NR6A1: variants seen among roughly 807,000 people sequenced by gnomAD.
NR6A1 encodes the protein nuclear receptor subfamily 6 group A member 1.
In NR6A1, 7 loss-of-function variants were observed where a neutral mutation model predicts 59.1. The ratio of observed to expected loss-of-function variants is 0.12; its 90% CI spans 0.07 to 0.22. The LOEUF (loss-of-function observed/expected upper bound fraction) is 0.22. NR6A1 is among the 10% of genes least tolerant of loss of function. The pLI, the probability that NR6A1 is intolerant of heterozygous loss-of-function variation, is 1.00. For synonymous variants in NR6A1, 243 were observed against 236.1 expected, an observed-to-expected ratio of 1.03 and a Z score of -0.27; for missense variants, 468 against 611.6, an observed-to-expected ratio of 0.77 and a Z score of 2.48.
intron 2 of NR6A1, among the ~76,000 whole-genome samples, chr9:124,633,346 T>C (rs898899995): frequency 1.5e-5 from 2 of 135,022 alleles, no homozygotes; most frequent in African/African-American, 2.9e-5. Context: ...GAGCTTGCAG[T>C]GAGTCGAGAT....
intron 4 of NR6A1, among the ~76,000 whole-genome samples, chr9:124,541,758 T>C (rs1283476114): frequency 6.6e-6 from 1 of 152,206 alleles, no homozygotes; most frequent in Non-Finnish European, 1.5e-5. Context: ...TTATTCAAAA[T>C]AGTCAAGAAG....
Position 124,771,146 on chromosome 9 carries a change from G to C in NR6A1, c.-27C>G. 1 of 1,182,582 alleles carries C rather than the reference G, an allele frequency of 8.5e-7. No homozygotes were observed. Among genetic ancestry groups the C allele is most frequent in the Non-Finnish European group, 1.1e-6 (1 of 942,912 alleles). 73.3% of individuals were successfully genotyped at this position (1,182,582 alleles called of 1,614,324 possible). A position where few individuals can be genotyped will look rare whatever the true frequency, so the allele number is the denominator to read the frequency against. On this transcript the variant is annotated 5_prime_UTR_variant, in exon 1 of 10. Transcript: ENST00000487099. ...CGGTGGTGCCTAGGGTCCGCGCCGG[G>C]TTTGTTGCTCCGCCATGACCGGCGC...
intron 2 of NR6A1, among the ~76,000 whole-genome samples, chr9:124,643,101 T>A (rs377495134): frequency 3.2e-5 from 1 of 31,186 alleles, no homozygotes; most frequent in Admixed American, 4.0e-4. Flanking sequence ...AGCCCTCGGG[T>A]GGGGGGGGGG....
At chr9:124,689,498 T>C (rs1441991001) in intron 2 of NR6A1, among the ~76,000 whole-genome samples, 2 of 152,202 alleles carry the variant, frequency 1.3e-5, no homozygotes, top group Non-Finnish European at 2.9e-5. Flanking sequence ...TTCTCGCACA[T>C]ATGAAACAAA....
chr9:124,691,255 A>C (rs938287914), intron 2 of NR6A1, among the ~76,000 whole-genome samples: 3 of 152,226 alleles, frequency 2.0e-5, no homozygotes, highest in African/African-American at 7.2e-5. Flanking sequence ...CAGAGGGTGA[A>C]TTAAACTGAT....
Position 124,532,508 on chromosome 9 carries a change from C to CT in NR6A1, c.1079+3369dup, listed in dbSNP as rs1260208694. Among the ~76,000 whole-genome samples, 3 of 152,242 alleles carry CT rather than the reference C, an allele frequency of 2.0e-5. No homozygotes were observed. In the East Asian group the frequency reaches 5.8e-4, roughly 29 times the overall value. ...GTCCACTAAATCAAGGATAGGGACTCTGAGTCAGAAACCATGTCTGCATCA... is the reference window on the plus strand; with the variant it reads ...GTCCACTAAATCAAGGATAGGGACTCTTGAGTCAGAAACCATGTCTGCATCA... On this transcript the variant is annotated intron_variant, in intron 7 of 9. Coordinates refer to ENST00000487099, the MANE Select transcript of NR6A1 (RefSeq NM_033334.4).
At chr9:124,572,642 C>T (rs1269457842) in intron 2 of NR6A1, among the ~76,000 whole-genome samples, 2 of 152,178 alleles carry the variant, frequency 1.3e-5, no homozygotes, top group Non-Finnish European at 2.9e-5. Context: ...TCGCACACGT[C>T]AGTGGAAGGA....
intron 2 of NR6A1, among the ~76,000 whole-genome samples, chr9:124,624,721 G>C (rs535421491): frequency 6.6e-6 from 1 of 152,184 alleles, no homozygotes; most frequent in Non-Finnish European, 1.5e-5. Context: ...GTCAGACTTT[G>C]TGATTTGAGC....
intron 1 of NR6A1, among the ~76,000 whole-genome samples, chr9:124,737,674 T>C (rs576835733): frequency 1.4e-4 from 22 of 152,194 alleles, no homozygotes; most frequent in African/African-American, 4.6e-4. Context: ...GAGACCAGCA[T>C]GGCAAAAATG....
At chr9:124,568,539 A>T (rs145637109) in intron 2 of NR6A1, among the ~76,000 whole-genome samples, 3 of 151,944 alleles carry the variant, frequency 2.0e-5, no homozygotes, top group African/African-American at 7.3e-5. Flanking sequence ...AATGAAATGT[A>T]ATCATGTAAT....
chr9:124,692,536 T>C (rs776520807), intron 2 of NR6A1: 25 of 525,510 alleles, frequency 4.8e-5, no homozygotes, highest in Admixed American at 4.3e-4. Flanking sequence ...CCGTTGACTG[T>C]ACCTTGGGGT....
chr9:124,760,039 C>CAAA (rs1174587797), intron 1 of NR6A1, among the ~76,000 whole-genome samples: 3 of 97,200 alleles, frequency 3.1e-5, no homozygotes, highest in African/African-American at 3.9e-5. Context: ...GACTCCATCT[C>CAAA]AAAAAAAAAA....
intron 3 of NR6A1, among the ~76,000 whole-genome samples, chr9:124,547,486 T>C (rs867141159): frequency 6.6e-6 from 1 of 152,206 alleles, no homozygotes; most frequent in Non-Finnish European, 1.5e-5. Flanking sequence ...TTTTACATAG[T>C]TCTGTCTCTG....
chr9:124,612,778 G>T (rs556812425), intron 2 of NR6A1, among the ~76,000 whole-genome samples: 50 of 149,434 alleles, frequency 3.3e-4, no homozygotes, highest in African/African-American at 1.2e-3. Context: ...AGTAGTTTGG[G>T]TTTTTCTTTC....
At chr9:124,637,247 A>G (rs1196231177) in intron 2 of NR6A1, among the ~76,000 whole-genome samples, 4 of 152,222 alleles carry the variant, frequency 2.6e-5, no homozygotes, top group African/African-American at 4.8e-5. Context: ...GGTTTTCTAA[A>G]AACATTAGTA....
At chr9:124,702,525 G>A (rs148973426) in intron 2 of NR6A1, among the ~76,000 whole-genome samples, 99 of 152,234 alleles carry the variant, frequency 6.5e-4, no homozygotes, top group African/African-American at 2.3e-3. Context: ...ATGTTGAAAT[G>A]TGACCCTCAA....
rs1183880078 is a variant in NR6A1, at chr9:124,561,285, AAAT to A, written c.143-6718_143-6716del. 2.0e-5 allele frequency among the ~76,000 whole-genome samples: 3 copies of A among 151,996 alleles called. No homozygotes were observed. The East Asian group carries it at 5.8e-4, about 29-fold the overall frequency. ...ACCCTGTCTCTACAAAAAATACAAA[AAAT>A]TAGCCAGACGTGGTGGTGCGCCTAT... On this transcript the variant is annotated intron_variant, in intron 2 of 9. Coordinates refer to ENST00000487099, the MANE Select transcript of NR6A1 (RefSeq NM_033334.4).
rs1052364968 is a variant in NR6A1, at chr9:124,592,255, C to A, written c.143-37685G>T. ...TGGCTTTTCCTTCACTAGGCCCTCC[C>A]CCTAATACACATTAAAGACCACATT... is the stretch of plus-strand genomic sequence containing the variant. On this transcript the variant is annotated intron_variant, in intron 2 of 9. Coordinates refer to ENST00000487099, the MANE Select transcript of NR6A1 (RefSeq NM_033334.4). Among the ~76,000 whole-genome samples, 31 of 151,792 alleles carry A rather than the reference C, an allele frequency of 2.0e-4. 1 individual carries two copies. Among genetic ancestry groups the A allele is most frequent in the African/African-American group, 5.8e-4 (24 of 41,086 alleles).
intron 2 of NR6A1, among the ~76,000 whole-genome samples, chr9:124,702,482 T>C (rs552200347): frequency 6.6e-6 from 1 of 152,308 alleles, no homozygotes; most frequent in African/African-American, 2.4e-5. Flanking sequence ...CAATTATCAC[T>C]GATACAGTTT....
Sources: gnomAD v4.1 joint callset for allele counts (sites outside exome capture counted in the v4.1 genomes callset) on GRCh38, gnomAD v4.1.1 for gene constraint, MANE v1.5 for transcripts, NCBI Gene and HGNC (gene_info 2026-07-23, HGNC 2026-07-21) for gene names.